The following GALNT14 variants were observed in gnomAD, a reference collection of about 807,000 sequenced individuals.
GALNT14 encodes polypeptide N-acetylgalactosaminyltransferase 14.
In GALNT14, 60 loss-of-function variants were observed where a neutral mutation model predicts 77.5. The observed-to-expected ratio is 0.77, with a 90% confidence interval of 0.63 to 0.96. GALNT14 has a LOEUF of 0.96. Ranked by LOEUF, GALNT14 falls within the 40% of genes least tolerant of loss-of-function variation. The pLI, the probability that GALNT14 is intolerant of heterozygous loss-of-function variation, is 0.00. For missense variants in GALNT14, 710 were observed against 731.0 expected (o/e 0.97, Z 0.33); for synonymous variants, 280 against 281.7 (o/e 0.99, Z 0.06).
In GALNT14 at chr2:30,966,260, G is replaced by A; in HGVS notation, c.342C>T (p.Ser114=). ...LVYCTDLPPT[S]IIITFHNEAR... The stretch of plus-strand genomic sequence containing the variant: ...CCTCGTTGTGGAAGGTGATGATGAT[G>A]CTAGTGGGTGGAAGGTCCGTGCAAT... The change falls in exon 3 of 15, where the codon AGC becomes AGT. Residue 114 remains serine (S), a synonymous_variant. Transcript: ENST00000349752. 1 of 1,614,052 alleles carries A rather than the reference G, an allele frequency of 6.2e-7. No individual in the cohort carries two copies. The highest frequency in any genetic ancestry group is 8.5e-7 in the Non-Finnish European group (1 of 1,179,948).
At chr2:30,976,730 C>T (rs986409686) in intron 2 of GALNT14, among the ~76,000 whole-genome samples, 3 of 152,072 alleles carry the variant, frequency 2.0e-5, no homozygotes, top group Non-Finnish European at 2.9e-5. Flanking sequence ...TGAAATGTTT[C>T]CTAAAAAAGA....
chr2:31,000,634 T>A (rs1319928199), intron 1 of GALNT14, among the ~76,000 whole-genome samples: 1 of 152,176 alleles, frequency 6.6e-6, no homozygotes, highest in Non-Finnish European at 1.5e-5. Context: ...CTGGCAGAAT[T>A]CCTTCTTGCT....
At chr2:31,013,035 C>G (rs1671131980) in intron 1 of GALNT14, among the ~76,000 whole-genome samples, 1 of 152,174 alleles carries the variant, frequency 6.6e-6, no homozygotes, top group Admixed American at 6.5e-5. Context: ...GCAGGCACAG[C>G]AGGAAATCTA....
At chr2:30,925,042 G>A (rs1449374301) in intron 11 of GALNT14, among the ~76,000 whole-genome samples, 2 of 152,184 alleles carry the variant, frequency 1.3e-5, no homozygotes, top group Non-Finnish European at 2.9e-5. Flanking sequence ...ACAATGGTGC[G>A]GTAATGACAG....
intron 2 of GALNT14, among the ~76,000 whole-genome samples, chr2:30,984,039 G>C (rs1426936869): frequency 1.3e-5 from 2 of 152,186 alleles, no homozygotes; most frequent in East Asian, 3.8e-4. Context: ...TTGCTGTTCT[G>C]CTCAAGTCTG....
In GALNT14 at chr2:31,088,145, A is replaced by T. The variant is rs145360523; in HGVS notation, c.129+49813T>A. On this transcript the variant is annotated intron_variant, in intron 1 of 14. Coordinates refer to ENST00000349752, the MANE Select transcript of GALNT14 (RefSeq NM_024572.4). Reference sequence around the variant, plus strand: ...GCCCAAACAAACTCAGAGAAAAAAGAGGGGCACAGGTATAGCGATTGCGGC... The same window carrying T: ...GCCCAAACAAACTCAGAGAAAAAAGTGGGGCACAGGTATAGCGATTGCGGC... Among the ~76,000 whole-genome samples the T allele has an allele frequency of 2.6e-3, 392 of 152,338 alleles. 1 individual carries two copies. Among genetic ancestry groups the T allele is most frequent in the Middle Eastern group, 0.024 (7 of 294 alleles).
chr2:30,947,865 T>C (rs749861919), intron 6 of GALNT14, among the ~76,000 whole-genome samples: 59 of 152,320 alleles, frequency 3.9e-4, no homozygotes, highest in Non-Finnish European at 7.8e-4. Flanking sequence ...AGTAACAAGG[T>C]GCCTCTGAAA....
At chr2:31,109,249 C>T (rs920863344) in intron 1 of GALNT14, among the ~76,000 whole-genome samples, 1 of 152,200 alleles carries the variant, frequency 6.6e-6, no homozygotes, top group East Asian at 1.9e-4. Context: ...ATTCAGCAAA[C>T]TCTCACTGCA....
rs1046871168 is a variant in GALNT14, at chr2:31,009,029, G to A, written c.130-16022C>T. Among the ~76,000 whole-genome samples the A allele has an allele frequency of 2.6e-5, 4 of 152,170 alleles. No homozygotes were observed. The South Asian group carries it at 6.2e-4, about 24-fold the overall frequency. ...AGCCCTTGAACAAAATCAATGCCCCGGGCTGCAGGAGGGGAGATAATGACA... is the reference window on the plus strand; with the variant it reads ...AGCCCTTGAACAAAATCAATGCCCCAGGCTGCAGGAGGGGAGATAATGACA... On this transcript the variant is annotated intron_variant, in intron 1 of 14. Coordinates refer to ENST00000349752, the MANE Select transcript of GALNT14 (RefSeq NM_024572.4).
chr2:31,064,250 A>G (rs936268984), intron 1 of GALNT14, among the ~76,000 whole-genome samples: 5 of 152,250 alleles, frequency 3.3e-5, no homozygotes, highest in African/African-American at 1.2e-4. Flanking sequence ...CTTAAATGTA[A>G]AAGAATGTCT....
chr2:31,063,420 T>C (rs957735453), intron 1 of GALNT14, among the ~76,000 whole-genome samples: 2 of 152,214 alleles, frequency 1.3e-5, no homozygotes, highest in South Asian at 2.1e-4. Flanking sequence ...TTGGTCTATA[T>C]ATTTGTTTTG....
chr2:31,076,620 T>C (rs1301297847), intron 1 of GALNT14, among the ~76,000 whole-genome samples: 2 of 119,574 alleles, frequency 1.7e-5, no homozygotes, highest in South Asian at 4.9e-4. Flanking sequence ...TACATATATA[T>C]ATATATATAT....
intron 11 of GALNT14, among the ~76,000 whole-genome samples, chr2:30,927,122 T>A (rs781084515): frequency 2.6e-5 from 4 of 152,286 alleles, no homozygotes; most frequent in Admixed American, 6.5e-5. Context: ...CAAAGCCCCC[T>A]AAGGAGTGTG....
chr2:30,927,802 G>A (rs1004215812), intron 11 of GALNT14, among the ~76,000 whole-genome samples: 19 of 152,180 alleles, frequency 1.2e-4, no homozygotes, highest in African/African-American at 4.3e-4. Context: ...AGGCAGCAGG[G>A]CCAGTGGGCA....
chr2:30,891,469 A>C, the GALNT14 span, among the ~76,000 whole-genome samples: 1 of 152,222 alleles, frequency 6.6e-6, no homozygotes, highest in African/African-American at 2.4e-5. Context: ...ACACTTGGTA[A>C]AGAAAAAAAT....
chr2:30,903,073 G>A, the GALNT14 span, among the ~76,000 whole-genome samples: 2 of 152,150 alleles, frequency 1.3e-5, no homozygotes, highest in Non-Finnish European at 2.9e-5. Flanking sequence ...GAGCCACATC[G>A]TAACTATAGG....
intron 1 of GALNT14, among the ~76,000 whole-genome samples, chr2:31,000,350 A>G (rs1458198235): frequency 1.3e-5 from 2 of 152,100 alleles, no homozygotes; most frequent in African/African-American, 4.8e-5. Context: ...TGAAATTAAT[A>G]AAAGTATTAT....
At chr2:31,007,072 G>A (rs1240958840) in intron 1 of GALNT14, among the ~76,000 whole-genome samples, 1 of 152,166 alleles carries the variant, frequency 6.6e-6, no homozygotes, top group Non-Finnish European at 1.5e-5. Flanking sequence ...TATCTCGTGG[G>A]ACTCTGTGGG....
intron 1 of GALNT14, among the ~76,000 whole-genome samples, chr2:31,087,477 A>AAGGAGAGGGGAAGAGAGGAG (rs1676488906): frequency 9.5e-6 from 1 of 104,756 alleles, no homozygotes; most frequent in African/African-American, 4.2e-5. Context: ...GGAGACAGGA[A>AAGGAGAGGGGAAGAGAGGAG]AGGAGAGGAG....
Sources: allele counts gnomAD v4.1 joint callset (sites outside exome capture counted in the v4.1 genomes callset), GRCh38; gene constraint gnomAD v4.1.1; transcripts MANE v1.5; gene names NCBI Gene and HGNC (gene_info 2026-07-23, HGNC 2026-07-21).